ERC2: variants seen among roughly 807,000 people sequenced by gnomAD.
ERC2 encodes the protein ELKS/RAB6-interacting/CAST family member 2.
Under a neutral mutation model 114.8 loss-of-function variants are expected in ERC2, and 42 were observed. The observed-to-expected ratio is 0.37, with a 90% CI of 0.29 to 0.47. The LOEUF (loss-of-function observed/expected upper bound fraction) is 0.47, where lower values mean the gene tolerates loss of function less well. Among genes scored for constraint, ERC2 ranks in the 20% least tolerant of loss-of-function variants. The pLI, the probability that ERC2 is intolerant of heterozygous loss-of-function variation, is 0.99. For missense variants in ERC2, 939 were observed against 1,150.7 expected (o/e 0.82, Z 2.66); for synonymous variants, 454 against 425.5 (o/e 1.07, Z -0.82).
chr3:56,005,032 T>C (rs1386299593), intron 10 of ERC2, among the ~76,000 whole-genome samples: 1 of 151,962 alleles, frequency 6.6e-6, no homozygotes, highest in African/African-American at 2.4e-5. Flanking sequence ...AATTAAAGAC[T>C]ACTGAAAAAA....
intron 17 of ERC2, among the ~76,000 whole-genome samples, chr3:55,655,029 G>C (rs972222807): frequency 1.3e-5 from 2 of 152,196 alleles, no homozygotes; most frequent in African/African-American, 2.4e-5. Context: ...TGGCAGGTGA[G>C]GAGTGTGAGG....
intron 2 of ERC2, among the ~76,000 whole-genome samples, chr3:56,413,445 C>T (rs1426086505): frequency 1.3e-5 from 2 of 152,178 alleles, no homozygotes; most frequent in Non-Finnish European, 2.9e-5. Flanking sequence ...ATCTTGGGTC[C>T]TGGGAATGGA....
intron 14 of ERC2, among the ~76,000 whole-genome samples, chr3:55,800,085 G>C (rs2070915657): frequency 6.6e-6 from 1 of 152,132 alleles, no homozygotes; most frequent in Non-Finnish European, 1.5e-5. Context: ...GTCAGTTATA[G>C]AGACAGGGGC....
chr3:55,964,340 C>T (rs1159913699), intron 12 of ERC2, among the ~76,000 whole-genome samples: 1 of 152,132 alleles, frequency 6.6e-6, no homozygotes, highest in East Asian at 1.9e-4. Flanking sequence ...AAGATCATGG[C>T]ATCTATTATG....
chr3:55,808,497 G>C (rs985052276), intron 14 of ERC2, among the ~76,000 whole-genome samples: 12 of 151,506 alleles, frequency 7.9e-5, no homozygotes, highest in African/African-American at 2.9e-4. Flanking sequence ...TAAATCTCTA[G>C]ACTATGACAA....
At chr3:56,401,855 A>T (rs1170716193) in intron 2 of ERC2, among the ~76,000 whole-genome samples, 1 of 152,170 alleles carries the variant, frequency 6.6e-6, no homozygotes, top group African/African-American at 2.4e-5. Context: ...TCACACTGCT[A>T]ATACATACAT....
chr3:55,890,429 G>A (rs1354553628), intron 13 of ERC2, among the ~76,000 whole-genome samples: 2 of 152,212 alleles, frequency 1.3e-5, no homozygotes, highest in African/African-American at 2.4e-5. Flanking sequence ...AGGAGTGGGA[G>A]GTCTCCATTA....
intron 14 of ERC2, among the ~76,000 whole-genome samples, chr3:55,743,253 G>A (rs1375525661): frequency 1.3e-5 from 2 of 152,126 alleles, no homozygotes; most frequent in Non-Finnish European, 2.9e-5. Flanking sequence ...GAGGTGGCTG[G>A]CCCATCCGGC....
intron 17 of ERC2, among the ~76,000 whole-genome samples, chr3:55,664,959 C>T (rs780289511): frequency 4.5e-4 from 69 of 152,116 alleles, no homozygotes; most frequent in Non-Finnish European, 7.3e-4. Context: ...GTCAACATTT[C>T]GCCTTATTCC....
chr3:56,387,158 TAATA>T (rs770436926), intron 2 of ERC2, among the ~76,000 whole-genome samples: 1 of 152,226 alleles, frequency 6.6e-6, no homozygotes, highest in Admixed American at 6.5e-5. Context: ...TTTGGCTATA[TAATA>T]AATAAATATA....
chr3:55,876,470 T>G (rs1179252416), intron 14 of ERC2, among the ~76,000 whole-genome samples: 1 of 152,192 alleles, frequency 6.6e-6, no homozygotes, highest in African/African-American at 2.4e-5. Flanking sequence ...CTGGTCTAAA[T>G]GAACATTGTA....
chr3:55,551,028 AAAAG>A (rs955265252), intron 17 of ERC2, among the ~76,000 whole-genome samples: 3 of 151,758 alleles, frequency 2.0e-5, no homozygotes, highest in Non-Finnish European at 2.9e-5. Context: ...AAAAAAAAAA[AAAAG>A]AAAGAAAGAA....
At chr3:55,921,217 T>C (rs1055288457) in intron 13 of ERC2, among the ~76,000 whole-genome samples, 1 of 152,106 alleles carries the variant, frequency 6.6e-6, no homozygotes, top group African/African-American at 2.4e-5. Context: ...CAACATGAAT[T>C]TGAAATCTGG....
At chr3:56,002,959 G>A (rs1265058548) in intron 10 of ERC2, 13 of 556,488 alleles carry the variant, frequency 2.3e-5, no homozygotes, top group Non-Finnish European at 4.0e-5. Context: ...CCTCAGCACA[G>A]ATCATTTCTT....
At chr3:56,158,488 A>G (rs2081863498) in intron 4 of ERC2, among the ~76,000 whole-genome samples, 1 of 152,064 alleles carries the variant, frequency 6.6e-6, no homozygotes, top group Admixed American at 6.6e-5. Flanking sequence ...ATAAAACTCA[A>G]TTTTCAAACT....
chr3:55,745,205 T>C (rs2148951011), intron 14 of ERC2, among the ~76,000 whole-genome samples: 1 of 152,286 alleles, frequency 6.6e-6, no homozygotes, highest in African/African-American at 2.4e-5. Context: ...AAGAGTTGCA[T>C]CCCAGACAAG....
At chr3:55,549,289 A>G (rs1331754451) in intron 17 of ERC2, among the ~76,000 whole-genome samples, 1 of 152,044 alleles carries the variant, frequency 6.6e-6, no homozygotes, top group African/African-American at 2.4e-5. Context: ...TCCTGCAAAA[A>G]AAAAGGCCTC....
At chr3:55,661,000 C>CT (rs1178737172) in intron 17 of ERC2, among the ~76,000 whole-genome samples, 1 of 152,170 alleles carries the variant, frequency 6.6e-6, no homozygotes, top group African/African-American at 2.4e-5. Context: ...ACATTGGGCC[C>CT]TTACCCTGCT....
intron 2 of ERC2, among the ~76,000 whole-genome samples, chr3:56,425,855 G>A (rs2061552843): frequency 1.3e-5 from 2 of 152,158 alleles, no homozygotes; most frequent in Admixed American, 1.3e-4. Context: ...ACAACTCTGG[G>A]TTTATTTTCT....
Sources: gnomAD v4.1 joint callset for allele counts (sites outside exome capture counted in the v4.1 genomes callset) on GRCh38, gnomAD v4.1.1 for gene constraint, MANE v1.5 for transcripts, NCBI Gene and HGNC (gene_info 2026-07-23, HGNC 2026-07-21) for gene names.